Variants in EMC1 observed in about 807,000 individuals in gnomAD.
EMC1 encodes KIAA0090.
A neutral mutation model predicts 128.8 loss-of-function variants in EMC1; 103 were observed. That is an observed-to-expected ratio of 0.80 (90% CI 0.68 to 0.94). EMC1 has a LOEUF of 0.94. EMC1 is among the 40% of genes least tolerant of loss of function. The pLI, the probability that EMC1 is intolerant of heterozygous loss-of-function variation, is 0.00. For synonymous variants in EMC1, 442 were observed against 490.4 expected (o/e 0.90, Z 1.30); for missense variants, 1,083 against 1,250.6 (o/e 0.87, Z 2.02).
At chr1:19,231,202 C>CCA in intron 16 of EMC1, 59 bp downstream of exon 16, 1 of 1,531,460 alleles carries the variant, frequency 6.5e-7, no homozygotes, top group East Asian at 2.3e-5. Context: ...CTGTGTTTGA[C>CCA]CACCTGGCCC....
rs917732748 is a variant in EMC1, at chr1:19,232,530, C to T, written c.1782+94G>A. The T allele has an allele frequency of 5.0e-6, 7 of 1,405,314 alleles. No homozygotes were observed. The Admixed American group carries it at 5.4e-5, about 11-fold the overall frequency. The allele number at this position is 1,405,314 out of a possible 1,614,324, so 87.1% of individuals were successfully genotyped here. A position where few individuals can be genotyped will look rare whatever the true frequency, so the allele number is the denominator to read the frequency against. The stretch of plus-strand genomic sequence containing the variant: ...CTAACCCCTGAATGTTCCTCATTAA[C>T]TCACACAATTCCAAGGGCCTAGGAG... On this transcript the variant is annotated intron_variant, in intron 15 of 22. Transcript: ENST00000477853.
intron 17 of EMC1, among the ~76,000 whole-genome samples, chr1:19,228,205 C>CA (rs35109698): frequency 0.36 from 36,934 of 101,648 alleles, 5,720 homozygotes; most frequent in East Asian, 0.63. Flanking sequence ...AACTCCGGCT[C>CA]AAAAAAAAAA....
intron 16 of EMC1, 39 bp from the exon 17 acceptor site, chr1:19,231,002 A>G (rs2093517172): frequency 6.2e-7 from 1 of 1,610,564 alleles, no homozygotes; most frequent in African/African-American, 1.3e-5. Context: ...GAGTTAGGAA[A>G]TTTCCCCATC....
chr1:19,227,360 C>T lies in EMC1; in HGVS notation c.2155G>A (p.Val719Ile), dbSNP rs1052665530. 6 of 1,614,078 alleles carry T rather than the reference C, an allele frequency of 3.7e-6. No individual in the cohort carries two copies. The highest frequency in any genetic ancestry group is 2.2e-5 in the East Asian group (1 of 44,898). Residue 719 changes from valine (V) to isoleucine (I), a missense_variant, in exon 18 of 23, where the codon GTT (valine) becomes ATT (isoleucine). Physicochemically the swap from Val to Ile is conservative, Grantham distance 29. This residue lies in a region of EMC1 where 527 missense variants were observed against 644.1 expected (regional missense o/e 0.82). Coordinates refer to ENST00000477853, the MANE Select transcript of EMC1 (RefSeq NM_015047.3). ...KVKGKRSSEH[V>I]HSQGRVMGDR... ...CCCATCACACGGCCCTGGGAATGAA[C>T]GTGCTCACTGCTGCGTTTCCCCTTC...
chr1:19,244,026 T>C lies in EMC1; in HGVS notation c.221-11A>G. 1.2e-6 allele frequency: 2 copies of C among 1,613,838 alleles called. No homozygotes were observed. Among genetic ancestry groups the C allele is most frequent in the Non-Finnish European group, 8.5e-7 (1 of 1,179,868 alleles). ...CAACATGGCGCCACACTGAGAGACA[T>C]GAAAGTTAGACATTACTATGAACAA... On this transcript the variant is annotated splice_polypyrimidine_tract_variant and intron_variant, in intron 2 of 22. Coordinates refer to ENST00000477853, the MANE Select transcript of EMC1 (RefSeq NM_015047.3).
At chr1:19,226,556 T>C (rs948909545) in intron 18 of EMC1, among the ~76,000 whole-genome samples, 1 of 151,834 alleles carries the variant, frequency 6.6e-6, no homozygotes, top group African/African-American at 2.4e-5. Context: ...TTAAAAAAAA[T>C]TTTTTTTGTT....
At chr1:19,228,205 CAAAAAAAA>C (rs35109698) in intron 17 of EMC1, among the ~76,000 whole-genome samples, 2 of 101,928 alleles carry the variant, frequency 2.0e-5, no homozygotes, top group African/African-American at 3.9e-5. Context: ...AACTCCGGCT[CAAAAAAAA>C]AAAAAAAAAG....
intron 1 of EMC1, among the ~76,000 whole-genome samples, chr1:19,250,827 C>G (rs1226556421): frequency 6.6e-6 from 1 of 152,128 alleles, no homozygotes; most frequent in Non-Finnish European, 1.5e-5. Flanking sequence ...TAGTAAAATT[C>G]AAACAAAAGC....
rs2093624264 is a variant in EMC1, at chr1:19,244,776, A to G, written c.220+130T>C. 11 of 1,013,048 alleles carry G rather than the reference A, an allele frequency of 1.1e-5. No individual in the cohort carries two copies. The South Asian group carries it at 1.5e-4, about 14-fold the overall frequency. The allele number at this position is 1,013,048 out of a possible 1,614,324, so 62.8% of individuals were successfully genotyped here. A position where few individuals can be genotyped will look rare whatever the true frequency, so the allele number is the denominator to read the frequency against. On this transcript the variant is annotated intron_variant, in intron 2 of 22. Coordinates refer to ENST00000477853, the MANE Select transcript of EMC1 (RefSeq NM_015047.3). ...ATGGTAAGACTGAAAAAAAAAAAGT[A>G]TCAGAATCCACTAGGAGAGGCATCT...
At chr1:19,247,841 A>G (rs2093638620) in intron 1 of EMC1, among the ~76,000 whole-genome samples, 1 of 152,184 alleles carries the variant, frequency 6.6e-6, no homozygotes, top group Non-Finnish European at 1.5e-5. Flanking sequence ...CCTGGCCAAC[A>G]TGGTGAAACC....
intron 4 of EMC1, 33 bp downstream of exon 4, chr1:19,243,581 C>T (rs760218906): frequency 1.3e-6 from 2 of 1,580,458 alleles, no homozygotes; most frequent in Non-Finnish European, 1.7e-6. Context: ...AAGCCTTTAA[C>T]TCAGTCAAGA....
intron 12 of EMC1, among the ~76,000 whole-genome samples, chr1:19,236,146 C>T (rs547244823): frequency 6.6e-6 from 1 of 152,124 alleles, no homozygotes; most frequent in Non-Finnish European, 1.5e-5. Flanking sequence ...GAGGCCAAGG[C>T]GGGCAGATCA....
At chr1:19,225,389 C>T (rs1281776396) in intron 18 of EMC1, among the ~76,000 whole-genome samples, 3 of 152,108 alleles carry the variant, frequency 2.0e-5, no homozygotes, top group African/African-American at 4.8e-5. Flanking sequence ...CGGTGGCTCC[C>T]GCCTGTAATC....
At chr1:19,236,998 G>C in intron 12 of EMC1, 144 bp downstream of exon 12, 1 of 472,326 alleles carries the variant, frequency 2.1e-6, no homozygotes, top group East Asian at 3.8e-5. Context: ...AAAAGCAGGT[G>C]ACATTTGGCT....
At chr1:19,244,560 C>T (rs569180800) in intron 2 of EMC1, 57 of 258,400 alleles carry the variant, frequency 2.2e-4, no homozygotes, top group East Asian at 1.1e-3. Flanking sequence ...TCTAGGCACA[C>T]GCCACCATGC....
At chr1:19,230,817 G>C in intron 17 of EMC1, 27 bp downstream of exon 17, 1 of 1,613,554 alleles carries the variant, frequency 6.2e-7, no homozygotes, top group South Asian at 1.1e-5. Flanking sequence ...CATCCACAAA[G>C]GGTTGTGCCA....
intron 13 of EMC1, chr1:19,234,297 T>G: frequency 2.8e-6 from 1 of 363,278 alleles, no homozygotes; most frequent in Non-Finnish European, 3.8e-6. Flanking sequence ...TCAACAGCTA[T>G]CCGTTGGAGG....
rs199845614 is a variant in EMC1 at position 19,233,147 on chromosome 1, G to A, written c.1433-12C>T. 90 of 1,610,948 alleles carry A rather than the reference G, an allele frequency of 5.6e-5. No homozygotes were observed. In the African/African-American group the frequency reaches 9.7e-4, roughly 17 times the overall value. ...CCCCAGCAAGCCATCTGGTGTAAAG[G>A]AAAAGTAACATACTCTACATCAGAC... On this transcript the variant is annotated splice_polypyrimidine_tract_variant and intron_variant, in intron 13 of 22. Coordinates refer to ENST00000477853, the MANE Select transcript of EMC1 (RefSeq NM_015047.3).
Position 19,241,035 on chromosome 1 carries a change from T to C in EMC1, c.617A>G (p.Asp206Gly), listed in dbSNP as rs748111037. ...CTGTACCTGCTGAACAATCTCTCCA[T>C]CTTCCACATTAAACTTGACAATGTT... ...HVNIVKFNVEDGEIVQQVRVS... is the reference protein window; with the variant it reads ...HVNIVKFNVEGGEIVQQVRVS... The change falls in exon 6 of 23, where the codon GAT (aspartate) becomes GGT (glycine). Residue 206 changes from aspartate (D) to glycine (G), a missense_variant. By Grantham distance (94) the Asp-to-Gly change is moderately conservative. This residue lies in a region of EMC1 where 544 missense variants were observed against 572.4 expected (regional missense o/e 0.95). Coordinates refer to ENST00000477853, the MANE Select transcript of EMC1 (RefSeq NM_015047.3). 2.5e-6 allele frequency: 4 copies of C among 1,614,126 alleles called. No individual in the cohort carries two copies. Among genetic ancestry groups the C allele is most frequent in the Middle Eastern group, 3.3e-4 (2 of 6,062 alleles).
Sources: allele counts gnomAD v4.1 joint callset (sites outside exome capture counted in the v4.1 genomes callset), GRCh38; gene constraint gnomAD v4.1.1; regional missense constraint gnomAD v4.1.1; transcripts MANE v1.5; gene names NCBI Gene and HGNC (gene_info 2026-07-23, HGNC 2026-07-21).